CACNB4: variants seen among roughly 807,000 people sequenced by gnomAD.
CACNB4 encodes voltage-dependent L-type calcium channel subunit beta-4.
In CACNB4, 32 loss-of-function variants were observed where a neutral mutation model predicts 71.2. That is an observed-to-expected ratio of 0.45 (90% CI 0.34 to 0.60). The LOEUF (loss-of-function observed/expected upper bound fraction) is 0.60, where lower values mean the gene tolerates loss of function less well. Ranked by LOEUF, CACNB4 falls within the 20% of genes least tolerant of loss-of-function variation. CACNB4 has a pLI of 0.01. For missense variants in CACNB4, 464 were observed against 647.9 expected (o/e 0.72, Z 3.08); for synonymous variants, 231 against 236.9 (o/e 0.97, Z 0.23).
chr2:152,077,690 C>G (rs1467043011), intron 2 of CACNB4, among the ~76,000 whole-genome samples: 1 of 152,104 alleles, frequency 6.6e-6, no homozygotes, highest in African/African-American at 2.4e-5. Context: ...AAGATTGTGC[C>G]ATTGCATTCT....
intron 2 of CACNB4, among the ~76,000 whole-genome samples, chr2:152,055,708 G>A (rs149574924): frequency 1.9e-4 from 29 of 152,242 alleles, no homozygotes; most frequent in African/African-American, 6.5e-4. Flanking sequence ...CCTTAAAATA[G>A]CTTTGAAGGC....
At chr2:151,945,045 G>A (rs931502679) in intron 2 of CACNB4, among the ~76,000 whole-genome samples, 13 of 152,128 alleles carry the variant, frequency 8.5e-5, no homozygotes, top group Admixed American at 7.2e-4. Flanking sequence ...TGTAAGCTTC[G>A]CTTGCACTCT....
intron 2 of CACNB4, among the ~76,000 whole-genome samples, chr2:151,987,215 T>C (rs759148191): frequency 2.0e-5 from 3 of 152,188 alleles, no homozygotes; most frequent in Non-Finnish European, 4.4e-5. Flanking sequence ...CCAACCACCT[T>C]GAGCTCTTGG....
intron 2 of CACNB4, among the ~76,000 whole-genome samples, chr2:152,003,227 G>T (rs1682527769): frequency 1.3e-5 from 2 of 151,990 alleles, no homozygotes; most frequent in Admixed American, 1.3e-4. Flanking sequence ...CAGATTGCCT[G>T]AGGTCAGGAG....
intron 2 of CACNB4, among the ~76,000 whole-genome samples, chr2:151,940,689 C>T (rs1403377005): frequency 6.6e-6 from 1 of 152,064 alleles, no homozygotes; most frequent in Non-Finnish European, 1.5e-5. Context: ...GATCTTTTGT[C>T]AACTATAAGG....
rs546267793 is a variant in CACNB4 at position 152,070,017 on chromosome 2, G to A, written c.147+28313C>T. On this transcript the variant is annotated intron_variant, in intron 2 of 13. Transcript: ENST00000539935. ...GCCACTACGCCTGGCTAATTTTTTT[G>A]TATTTTTATTAGAGACAGGGTTTCA... 2.2e-4 allele frequency among the ~76,000 whole-genome samples: 34 copies of A among 151,758 alleles called. No individual in the cohort carries two copies. The South Asian group carries it at 6.9e-3, about 31-fold the overall frequency.
rs1028814998 is a variant in CACNB4 at position 152,098,803 on chromosome 2, T to C, written c.63+146A>G. On this transcript the variant is annotated intron_variant, in intron 1 of 13. Transcript: ENST00000539935. The surrounding 1 kb of genome is among the most constrained non-coding windows in gnomAD (Gnocchi z 5.3). The stretch of plus-strand genomic sequence containing the variant: ...GGAGGAGCGGGAGGAGAAAGGGACG[T>C]GGAGGAGGGGTGGGGGGAGCGGGGC... 3.0e-6 allele frequency: 2 copies of C among 667,736 alleles called. No homozygotes were observed. The highest frequency in any genetic ancestry group is 2.2e-5 in the African/African-American group (1 of 45,686). 41.4% of individuals were successfully genotyped at this position (667,736 alleles called of 1,614,324 possible).
intron 2 of CACNB4, among the ~76,000 whole-genome samples, chr2:151,926,255 C>G (rs2099860230): frequency 6.6e-6 from 1 of 151,990 alleles, no homozygotes; most frequent in Non-Finnish European, 1.5e-5. Context: ...AGAGGAAAAC[C>G]AAGAGAGTGT....
intron 2 of CACNB4, among the ~76,000 whole-genome samples, chr2:151,962,445 A>G (rs1046761347): frequency 2.6e-5 from 4 of 152,228 alleles, no homozygotes; most frequent in African/African-American, 9.6e-5. Flanking sequence ...ACCTTTTACA[A>G]ATACTGCTGT....
intron 2 of CACNB4, among the ~76,000 whole-genome samples, chr2:152,072,663 C>G: frequency 6.6e-6 from 1 of 150,830 alleles, no homozygotes; most frequent in Non-Finnish European, 1.5e-5. Context: ...TTTTTTGAGC[C>G]AGAGTCTTGT....
chr2:151,929,083 T>C (rs1354099515), intron 2 of CACNB4, among the ~76,000 whole-genome samples: 1 of 152,208 alleles, frequency 6.6e-6, no homozygotes, highest in Non-Finnish European at 1.5e-5. Flanking sequence ...GGCTACCTAC[T>C]GTCATTCCAT....
At chr2:151,934,427 C>A (rs917103025) in intron 2 of CACNB4, among the ~76,000 whole-genome samples, 16 of 152,310 alleles carry the variant, frequency 1.1e-4, no homozygotes, top group Admixed American at 7.2e-4. Context: ...AGATACTGTT[C>A]TAGGTGCTTA....
In CACNB4 at chr2:152,017,195, T is replaced by A. The variant is rs1683393550; in HGVS notation, c.147+81135A>T. 2.7e-5 allele frequency among the ~76,000 whole-genome samples: 4 copies of A among 150,000 alleles called. No individual in the cohort carries two copies. In the South Asian group the frequency reaches 6.2e-4, roughly 23 times the overall value. On this transcript the variant is annotated intron_variant, in intron 2 of 13. Coordinates refer to ENST00000539935, the MANE Select transcript of CACNB4 (RefSeq NM_000726.5). ...TAAGGCTGTTTAATGAAAATGTATA[T>A]TCCTGGGTCTTCCATCCAGATATTC... is the stretch of plus-strand genomic sequence containing the variant.
intron 2 of CACNB4, among the ~76,000 whole-genome samples, chr2:152,081,142 T>C (rs1579262380): frequency 6.6e-6 from 1 of 152,186 alleles, no homozygotes; most frequent in Non-Finnish European, 1.5e-5. Context: ...ACTTAAGTCA[T>C]TTCCAGAATA....
At chr2:152,012,201 G>A (rs1683094506) in intron 2 of CACNB4, among the ~76,000 whole-genome samples, 2 of 152,100 alleles carry the variant, frequency 1.3e-5, no homozygotes, top group Admixed American at 1.3e-4. Context: ...GCTCCATGTG[G>A]GTTACTGCCC....
chr2:151,963,311 CAAAAAAAAAA>C (rs71410446), intron 2 of CACNB4, among the ~76,000 whole-genome samples: 4 of 60,384 alleles, frequency 6.6e-5, no homozygotes, highest in South Asian at 5.9e-4. Context: ...GACACCGTCT[CAAAAAAAAAA>C]AAAAAAAAAA....
intron 2 of CACNB4, among the ~76,000 whole-genome samples, chr2:152,088,440 T>C (rs535526495): frequency 1.3e-5 from 2 of 152,326 alleles, no homozygotes; most frequent in Admixed American, 6.5e-5. Context: ...CTCATCATAA[T>C]ATATGGACAC....
chr2:152,015,202 G>A (rs914123699), intron 2 of CACNB4, among the ~76,000 whole-genome samples: 6 of 151,874 alleles, frequency 4.0e-5, no homozygotes, highest in African/African-American at 1.5e-4. Flanking sequence ...GCACGATCTC[G>A]GCTCACCGCA....
rs75365487 is a variant in CACNB4 at position 151,838,254 on chromosome 2, C to T, written c.*865G>A. 1,468 of 152,652 alleles carry T rather than the reference C, an allele frequency of 9.6e-3. 14 individuals carry two copies. The highest frequency in any genetic ancestry group is 0.017 in the Non-Finnish European group (1,134 of 68,014). 9.5% of individuals were successfully genotyped at this position (152,652 alleles called of 1,614,324 possible). ...CAGATTGATTAAAGGGAGAACAACA[C>T]CCCATTTTATATTTCACATAACCAG... On this transcript the variant is annotated 3_prime_UTR_variant, in exon 14 of 14. Transcript: ENST00000539935.
Sources: allele counts gnomAD v4.1 joint callset (sites outside exome capture counted in the v4.1 genomes callset), GRCh38; gene constraint gnomAD v4.1.1; non-coding constraint Gnocchi (gnomAD v3.1); transcripts MANE v1.5; gene names NCBI Gene and HGNC (gene_info 2026-07-23, HGNC 2026-07-21).